The following FAM98A variants were observed in gnomAD, a reference collection of about 807,000 sequenced individuals.
FAM98A encodes protein FAM98A.
In FAM98A, 25 loss-of-function variants were observed where a neutral mutation model predicts 62.9. The observed-to-expected ratio is 0.40, with a 90% CI of 0.29 to 0.56. The LOEUF is 0.56. Ranked by LOEUF, FAM98A falls within the 20% of genes least tolerant of loss-of-function variation. The probability of loss-of-function intolerance (pLI) is 0.51; values close to 1 mark genes in which losing one functional copy is unlikely to be tolerated. For synonymous variants in FAM98A, 252 were observed against 228.6 expected (o/e 1.10, Z -0.92); for missense variants, 653 against 640.7 (o/e 1.02, Z -0.21).
At position 33,584,770 on chromosome 2, in the gene FAM98A, G is replaced by A. The variant is rs371940296; in HGVS notation, c.*6C>T. 1.3e-6 allele frequency: 2 copies of A among 1,579,322 alleles called. No individual in the cohort carries two copies. Among genetic ancestry groups the A allele is most frequent in the Non-Finnish European group, 1.7e-6 (2 of 1,156,644 alleles). On this transcript the variant is annotated 3_prime_UTR_variant, in exon 8 of 8. Transcript: ENST00000238823. ...GAGCTCTAGCAAAATGTAAGGTTCG[G>A]TAGCCTCAACTAGTGTAATGTCTTC...
chr2:33,591,472 TAGTA>T (rs1230369650), intron 3 of FAM98A, among the ~76,000 whole-genome samples: 1 of 152,140 alleles, frequency 6.6e-6, no homozygotes, highest in African/African-American at 2.4e-5. Context: ...GACAAAACAG[TAGTA>T]AGTATGTAAA....
chr2:33,586,943 GT>G, intron 5 of FAM98A: 2 of 518,576 alleles, frequency 3.9e-6, no homozygotes, highest in East Asian at 3.0e-5. Context: ...GCCCAGTGAA[GT>G]TTTTGGCTTG....
intron 6 of FAM98A, among the ~76,000 whole-genome samples, chr2:33,586,305 T>C (rs371411804): frequency 3.3e-5 from 5 of 152,352 alleles, no homozygotes; most frequent in African/African-American, 1.2e-4. Flanking sequence ...AATAACTCCA[T>C]TTCTCTCATA....
chr2:33,584,878 G>A lies in FAM98A; in HGVS notation c.1455C>T (p.Ser485=). 6.2e-7 allele frequency: 1 copy of A among 1,613,870 alleles called. No individual in the cohort carries two copies. The highest frequency in any genetic ancestry group is 8.5e-7 in the Non-Finnish European group (1 of 1,179,980). ...GQGGGWGGRG[S]QNYHQGGQFE... The stretch of plus-strand genomic sequence containing the variant: ...ATTGACCCCCTTGGTGATAATTCTG[G>A]CTCCCTCTTCCTCCCCAGCCTCCTC... Residue 485 remains serine, a synonymous_variant, in exon 8 of 8, where the codon AGC becomes AGT. Transcript: ENST00000238823.
At position 33,592,166 on chromosome 2, in the gene FAM98A, C is replaced by T. The variant is rs765675141; in HGVS notation, c.251G>A (p.Gly84Glu). ...EFQLEVSGLL[G>E]EMNCPYLSLT... is the part of the protein sequence containing the mutation. ...TGAAAGATACGGGCAGTTCATCTCC[C>T]CTAGTAGCCCACTCACCTCAAGCTG... is the stretch of plus-strand genomic sequence containing the variant. Residue 84 changes from glycine (G) to glutamate (E), a missense_variant, in exon 3 of 8, where the codon GGG becomes GAG. By Grantham distance (98) the Gly-to-Glu change is moderately conservative. Transcript: ENST00000238823. 6 of 1,613,086 alleles carry T rather than the reference C, an allele frequency of 3.7e-6. No homozygotes were observed. Among genetic ancestry groups the T allele is most frequent in the Non-Finnish European group, 1.7e-6 (2 of 1,179,236 alleles).
intron 4 of FAM98A, 172 bp from the exon 5 acceptor site, chr2:33,587,492 C>T: frequency 1.7e-6 from 1 of 598,990 alleles, no homozygotes; most frequent in Non-Finnish European, 3.0e-6. Flanking sequence ...CTCACTGGTC[C>T]CACTCCTCAC....
In FAM98A at chr2:33,584,862, C is replaced by CT; in HGVS notation, c.1470dup (p.Gly491ArgfsTer5). The stretch of plus-strand genomic sequence containing the variant: ...TGGAAATGCTGTTCAAATTGACCCC[C>CT]TTGGTGATAATTCTGGCTCCCTCTT... On this transcript the variant is annotated frameshift_variant, in exon 8 of 8. Coordinates refer to ENST00000238823, the MANE Select transcript of FAM98A (RefSeq NM_015475.5). LOFTEE classifies it high-confidence loss of function. 6.2e-7 allele frequency: 1 copy of CT among 1,614,104 alleles called. No individual in the cohort carries two copies. The highest frequency in any genetic ancestry group is 1.1e-5 in the South Asian group (1 of 91,078).
At chr2:33,596,618 G>A (rs551001640) in intron 1 of FAM98A, among the ~76,000 whole-genome samples, 4 of 152,230 alleles carry the variant, frequency 2.6e-5, no homozygotes, top group East Asian at 1.9e-4. Context: ...TAGGCCAGGC[G>A]TGGTGGCTCA....
intron 1 of FAM98A, 142 bp from the exon 2 acceptor site, chr2:33,595,779 T>C: frequency 1.8e-6 from 1 of 562,730 alleles, no homozygotes; most frequent in Non-Finnish European, 2.9e-6. Context: ...AATGGACAAA[T>C]ATAAACATAA....
In FAM98A at chr2:33,585,625, C is replaced by T; in HGVS notation, c.793G>A (p.Val265Ile). ...TGCCTTGCAGCCAAAAGATGGGCAACAGAAATAGTAGTTTTAGGGGATAAG... is the reference window on the plus strand; with the variant it reads ...TGCCTTGCAGCCAAAAGATGGGCAATAGAAATAGTAGTTTTAGGGGATAAG... ...SVLSPKTTIS[V>I]AHLLAARQDL... is the part of the protein sequence containing the mutation. The change falls in exon 7 of 8, where the codon GTT becomes ATT. Residue 265 changes from valine to isoleucine, a missense_variant. Val to Ile is a conservative substitution (Grantham distance 29). Coordinates refer to ENST00000238823, the MANE Select transcript of FAM98A (RefSeq NM_015475.5). 1.2e-6 allele frequency: 2 copies of T among 1,614,116 alleles called. No homozygotes were observed. Among genetic ancestry groups the T allele is most frequent in the Non-Finnish European group, 1.7e-6 (2 of 1,180,032 alleles).
chr2:33,589,284 T>G (rs933744216), intron 3 of FAM98A: 4 of 152,208 alleles, frequency 2.6e-5, no homozygotes, highest in Admixed American at 2.0e-4. Context: ...GGCTGCAATC[T>G]GTTTCAGGTA....
chr2:33,595,697 T>C, intron 1 of FAM98A, 60 bp from the exon 2 acceptor site: 1 of 1,252,688 alleles, frequency 8.0e-7, no homozygotes, highest in Non-Finnish European at 1.1e-6. Flanking sequence ...ATATTACAGA[T>C]AAAACATATC....
intron 3 of FAM98A, 179 bp from the exon 4 acceptor site, chr2:33,588,698 A>C (rs1677611168): frequency 1.4e-5 from 6 of 441,430 alleles, no homozygotes; most frequent in Non-Finnish European, 2.4e-5. Flanking sequence ...CTGGTTATGT[A>C]ATTCAGTTAT....
At chr2:33,592,654 T>G (rs951453808) in intron 2 of FAM98A, among the ~76,000 whole-genome samples, 1 of 152,254 alleles carries the variant, frequency 6.6e-6, no homozygotes, top group Non-Finnish European at 1.5e-5. Context: ...ACTACAGGCA[T>G]GAGCCACTGC....
intron 1 of FAM98A, among the ~76,000 whole-genome samples, chr2:33,597,847 C>T (rs1677848600): frequency 6.6e-6 from 1 of 152,168 alleles, no homozygotes; most frequent in Non-Finnish European, 1.5e-5. Context: ...TCTTCCACCT[C>T]ACCTTGTACT....
In FAM98A at chr2:33,592,118, T is replaced by C; in HGVS notation, c.299A>G (p.Lys100Arg). The C allele has an allele frequency of 6.2e-7, 1 of 1,613,558 alleles. No homozygotes were observed. Among genetic ancestry groups the C allele is most frequent in the Non-Finnish European group, 8.5e-7 (1 of 1,179,616 alleles). Reference sequence around the variant, plus strand: ...GCAGTTCTTCTGAATGAGAAGGCGCTTGGTCACATCCCCAGATGTCAGTGA... The same window carrying C: ...GCAGTTCTTCTGAATGAGAAGGCGCCTGGTCACATCCCCAGATGTCAGTGA... ...YLSLTSGDVT[K>R]RLLIQKNCLL... is the part of the protein sequence containing the mutation. Residue 100 changes from lysine to arginine, a missense_variant, in exon 3 of 8, where the codon AAG becomes AGG. Lys to Arg is a conservative substitution (Grantham distance 26, BLOSUM62 2). Coordinates refer to ENST00000238823, the MANE Select transcript of FAM98A (RefSeq NM_015475.5).
rs1191354592 is a variant in FAM98A, at chr2:33,599,229, T to C, written c.-8A>G. The C allele has an allele frequency of 1.2e-6, 2 of 1,613,170 alleles. No homozygotes were observed. The highest frequency in any genetic ancestry group is 1.1e-5 in the South Asian group (1 of 91,054). ...CATGAGGTCACACTCCATGCTACTGTGGTATTCAAATTTCCGAGTCGTCAG... is the reference window on the plus strand; with the variant it reads ...CATGAGGTCACACTCCATGCTACTGCGGTATTCAAATTTCCGAGTCGTCAG... On this transcript the variant is annotated 5_prime_UTR_variant, in exon 1 of 8. Transcript: ENST00000238823.
Position 33,592,143 on chromosome 2 carries a change from A to T in FAM98A, c.274T>A (p.Ser92Thr). ...LLGEMNCPYL[S>T]LTSGDVTKRL... ...TTGGTCACATCCCCAGATGTCAGTG[A>T]AAGATACGGGCAGTTCATCTCCCCT... The change falls in exon 3 of 8, where the codon TCA (serine) becomes ACA (threonine). Residue 92 changes from serine (S) to threonine (T), a missense_variant. Transcript: ENST00000238823. 6.2e-7 allele frequency: 1 copy of T among 1,613,712 alleles called. No homozygotes were observed. The highest frequency in any genetic ancestry group is 1.1e-5 in the South Asian group (1 of 91,042).
intron 3 of FAM98A, among the ~76,000 whole-genome samples, chr2:33,590,039 C>T (rs187346985): frequency 2.8e-4 from 42 of 152,124 alleles, no homozygotes; most frequent in Admixed American, 1.4e-3. Flanking sequence ...AAACTTTAAT[C>T]GTAATCAGTA....
Sources: allele counts gnomAD v4.1 joint callset (sites outside exome capture counted in the v4.1 genomes callset), GRCh38; gene constraint gnomAD v4.1.1; transcripts MANE v1.5; gene names NCBI Gene and HGNC (gene_info 2026-07-23, HGNC 2026-07-21).